The following TLN2 variants were observed in gnomAD, a reference collection of about 807,000 sequenced individuals.
TLN2 encodes talin-2.
TLN2 carries 118 observed loss-of-function variants against 294.7 expected under a neutral mutation model. That is an observed-to-expected ratio of 0.40 (90% CI 0.34 to 0.47). The LOEUF is 0.47. Ranked by LOEUF, TLN2 falls within the 20% of genes least tolerant of loss-of-function variation. The pLI is 0.84. For missense variants in TLN2, 3,083 were observed against 3,282.2 expected (o/e 0.94, Z 1.48); for synonymous variants, 1,431 against 1,304.5 (o/e 1.10, Z -2.09).
intron 21 of TLN2, among the ~76,000 whole-genome samples, chr15:62,711,505 C>T (rs772152127): frequency 2.7e-4 from 41 of 152,220 alleles, no homozygotes; most frequent in African/African-American, 7.2e-4. Flanking sequence ...TAATTTTGTT[C>T]TGTGCCAATT....
intron 14 of TLN2, among the ~76,000 whole-genome samples, chr15:62,695,574 G>T (rs1595694125): frequency 6.6e-6 from 1 of 152,172 alleles, no homozygotes; most frequent in Non-Finnish European, 1.5e-5. Flanking sequence ...GAAAGTTCTA[G>T]CATCTTCCAA....
At chr15:62,567,256 C>A (rs909685314) in intron 1 of TLN2, among the ~76,000 whole-genome samples, 1 of 152,212 alleles carries the variant, frequency 6.6e-6, no homozygotes, top group African/African-American at 2.4e-5. Context: ...TGTTTAGCAT[C>A]TTGATTTGTG....
At chr15:62,639,316 C>T (rs571545494) in intron 3 of TLN2, among the ~76,000 whole-genome samples, 6 of 152,024 alleles carry the variant, frequency 3.9e-5, no homozygotes, top group Non-Finnish European at 7.4e-5. Context: ...GTGGCCCTGC[C>T]GTTTACTTAG....
chr15:62,839,608 A>C (rs923520525), intron 58 of TLN2, among the ~76,000 whole-genome samples: 1 of 152,334 alleles, frequency 6.6e-6, no homozygotes, highest in East Asian at 1.9e-4. Flanking sequence ...AGTCAGGCTT[A>C]AACTTTCTGA....
At chr15:62,753,957 A>G in intron 36 of TLN2, 41 bp downstream of exon 36, 1 of 1,506,608 alleles carries the variant, frequency 6.6e-7, no homozygotes, top group Non-Finnish European at 8.9e-7. Context: ...GCCCTTAAGC[A>G]GCTCCTCTAG....
chr15:62,609,697 C>G (rs1028045257), intron 2 of TLN2, among the ~76,000 whole-genome samples: 1 of 152,270 alleles, frequency 6.6e-6, no homozygotes, highest in East Asian at 1.9e-4. Context: ...GTCCTGTTAC[C>G]GATGGTGCCC....
rs1401193910 is a variant in TLN2 at position 62,657,866 on chromosome 15, T to C, written c.756T>C (p.His252=). 1.2e-6 allele frequency: 2 copies of C among 1,613,798 alleles called. No individual in the cohort carries two copies. The highest frequency in any genetic ancestry group is 1.7e-6 in the Non-Finnish European group (2 of 1,179,886). ...GFQAQIQFGP[H]VEHKHKPGFL... ...AAGCCCAGATACAATTTGGACCTCA[T>C]GTGGAACATAAACACAAACCTGGAT... The change falls in exon 9 of 59, where the codon CAT becomes CAC. Residue 252 remains histidine, a synonymous_variant. Transcript: ENST00000636159.
chr15:62,627,927 A>T (rs2049427117), intron 3 of TLN2, among the ~76,000 whole-genome samples: 1 of 152,156 alleles, frequency 6.6e-6, no homozygotes, highest in Admixed American at 6.5e-5. Context: ...TTAGCATTGG[A>T]ATTTAATCCA....
At chr15:62,691,981 G>C (rs768322907) in intron 12 of TLN2, among the ~76,000 whole-genome samples, 7 of 152,198 alleles carry the variant, frequency 4.6e-5, no homozygotes, top group Admixed American at 1.3e-4. Flanking sequence ...CCCATTGGGA[G>C]ACTTCTGATC....
At position 62,771,044 on chromosome 15, in the gene TLN2, G is replaced by A; in HGVS notation, c.5277G>A (p.Gln1759=). The change falls in exon 42 of 59, where the codon CAG becomes CAA. Residue 1759 remains glutamine, a synonymous_variant. Transcript: ENST00000636159. ...GVASKILDHQ[Q]QMTVLDQTKT... is the part of the protein sequence containing the mutation. The stretch of plus-strand genomic sequence containing the variant: ...CCTCCAAGATTCTTGATCATCAGCA[G>A]CAGATGACGGTGCTGGACCAGACCA... 1 of 1,612,908 alleles carries A rather than the reference G, an allele frequency of 6.2e-7. No homozygotes were observed. The highest frequency in any genetic ancestry group is 2.2e-5 in the East Asian group (1 of 44,834).
intron 45 of TLN2, among the ~76,000 whole-genome samples, chr15:62,785,614 G>A (rs2064578963): frequency 7.6e-6 from 1 of 131,746 alleles, no homozygotes; most frequent in Non-Finnish European, 1.5e-5. Flanking sequence ...ACTATGCACT[G>A]CCCTTTAGCC....
chr15:62,742,024 GGTGTGT>G (rs1169646907), intron 32 of TLN2, among the ~76,000 whole-genome samples: 31 of 82,218 alleles, frequency 3.8e-4, no homozygotes, highest in African/African-American at 1.3e-3. Flanking sequence ...CTTGTAGTGG[GGTGTGT>G]GTGTGTGTGT....
At chr15:62,416,639 C>T (rs2034101707) in intron 1 of TLN2, among the ~76,000 whole-genome samples, 1 of 152,126 alleles carries the variant, frequency 6.6e-6, no homozygotes, top group Non-Finnish European at 1.5e-5. Context: ...CATTATCTTC[C>T]TTGATATTAC....
chr15:62,585,233 C>T (rs1181660057), intron 1 of TLN2, among the ~76,000 whole-genome samples: 1 of 152,206 alleles, frequency 6.6e-6, no homozygotes, highest in Admixed American at 6.5e-5. Flanking sequence ...ATAAAACTCT[C>T]ATGGTGAAAA....
At chr15:62,568,026 A>T (rs990747527) in intron 1 of TLN2, among the ~76,000 whole-genome samples, 9 of 152,008 alleles carry the variant, frequency 5.9e-5, no homozygotes, top group African/African-American at 1.9e-4. Flanking sequence ...TCCCCTACTG[A>T]GTTGAGTTCT....
intron 6 of TLN2, 52 bp from the exon 7 acceptor site, chr15:62,653,110 G>C: frequency 1.4e-6 from 2 of 1,434,842 alleles, no homozygotes; most frequent in Non-Finnish European, 1.9e-6. Flanking sequence ...GGCTGGAAGA[G>C]GTTGACAGCA....
chr15:62,687,328 T>C (rs1196844038), intron 12 of TLN2, among the ~76,000 whole-genome samples: 1 of 152,244 alleles, frequency 6.6e-6, no homozygotes, highest in Non-Finnish European at 1.5e-5. Context: ...TCAAGTTACC[T>C]TTCCTCTCTG....
intron 1 of TLN2, among the ~76,000 whole-genome samples, chr15:62,395,821 C>T (rs1008491528): frequency 4.0e-4 from 61 of 151,798 alleles, no homozygotes; most frequent in African/African-American, 1.5e-3. Flanking sequence ...GTTGCATGAC[C>T]GTATTTCTGA....
intron 3 of TLN2, among the ~76,000 whole-genome samples, chr15:62,635,124 C>T (rs2140898458): frequency 6.6e-6 from 1 of 152,240 alleles, no homozygotes; most frequent in Middle Eastern, 3.4e-3. Flanking sequence ...AATGCATATT[C>T]ATTTAACTAA....
Sources: gnomAD v4.1 joint callset for allele counts (sites outside exome capture counted in the v4.1 genomes callset) on GRCh38, gnomAD v4.1.1 for gene constraint, MANE v1.5 for transcripts, NCBI Gene and HGNC (gene_info 2026-07-23, HGNC 2026-07-21) for gene names.